The following MTMR3 variants were observed in gnomAD, a reference collection of about 807,000 sequenced individuals.
The protein encoded by MTMR3 is myotubularin related protein 3, also known as phosphatidylinositol-3,5-bisphosphate 3-phosphatase MTMR3.
Under a neutral mutation model 132.4 loss-of-function variants are expected in MTMR3, and 32 were observed. The ratio of observed to expected loss-of-function variants is 0.24; its 90% CI spans 0.18 to 0.32. The LOEUF is 0.32. MTMR3 is among the 10% of genes least tolerant of loss of function. The pLI, the probability that MTMR3 is intolerant of heterozygous loss-of-function variation, is 1.00. For missense variants in MTMR3, 1,216 were observed against 1,489.6 expected (o/e 0.82, Z 3.02); for synonymous variants, 556 against 550.3 (o/e 1.01, Z -0.14).
intron 8 of MTMR3, 144 bp downstream of exon 8, chr22:29,999,001 AT>A (rs1401588933): frequency 1.9e-6 from 1 of 519,142 alleles, no homozygotes; most frequent in Admixed American, 3.8e-5. Context: ...TCTTCAGAGT[AT>A]TTATTGAATC....
At chr22:29,920,973 G>T in intron 1 of MTMR3, among the ~76,000 whole-genome samples, 1 of 141,052 alleles carries the variant, frequency 7.1e-6, no homozygotes. Flanking sequence ...GTTTTTTTTA[G>T]GGGGTGGTGG....
chr22:29,989,178 A>T (rs2145905747), intron 6 of MTMR3: 1 of 152,292 alleles, frequency 6.6e-6, no homozygotes, highest in African/African-American at 2.4e-5. Context: ...TATTGCATTT[A>T]GCTGCCATGA....
chr22:29,988,720 A>G (rs2066903590), intron 6 of MTMR3, 158 bp downstream of exon 6: 3 of 429,000 alleles, frequency 7.0e-6, no homozygotes, highest in East Asian at 3.7e-5. Flanking sequence ...TATCTGTAGG[A>G]TGTATACTTT....
intron 3 of MTMR3, among the ~76,000 whole-genome samples, chr22:29,972,114 G>T (rs2066547737): frequency 6.6e-6 from 1 of 152,170 alleles, no homozygotes; most frequent in Non-Finnish European, 1.5e-5. Context: ...ACAACTTTAT[G>T]ATTTATCTTA....
chr22:29,977,519 G>A (rs1225851353), intron 3 of MTMR3, among the ~76,000 whole-genome samples: 1 of 152,150 alleles, frequency 6.6e-6, no homozygotes, highest in Non-Finnish European at 1.5e-5. Context: ...GTAAATGAAG[G>A]ATAGTCTTTC....
At chr22:29,960,568 A>G (rs28522206) in intron 2 of MTMR3, among the ~76,000 whole-genome samples, 24,847 of 152,218 alleles carry the variant, frequency 0.16, 2,147 homozygotes, top group South Asian at 0.24. Flanking sequence ...ATGTGTTGTC[A>G]TATGTATGTA....
intron 1 of MTMR3, among the ~76,000 whole-genome samples, chr22:29,896,845 A>G (rs2064906468): frequency 7.0e-6 from 1 of 142,926 alleles, no homozygotes; most frequent in Non-Finnish European, 1.5e-5. Flanking sequence ...TAAAAATTTT[A>G]TAGTACAGAA....
intron 15 of MTMR3, chr22:30,016,933 A>G: frequency 2.1e-6 from 1 of 465,500 alleles, no homozygotes; most frequent in South Asian, 3.4e-5. Context: ...ACAGATCTCT[A>G]CTTTGCCACC....
At chr22:29,969,797 T>C (rs1194404463) in intron 2 of MTMR3, among the ~76,000 whole-genome samples, 1 of 152,184 alleles carries the variant, frequency 6.6e-6, no homozygotes, top group Non-Finnish European at 1.5e-5. Flanking sequence ...CCCAGAATGC[T>C]GGGATTACAG....
intron 5 of MTMR3, chr22:29,981,515 G>A (rs1282532985): frequency 6.6e-6 from 1 of 152,070 alleles, no homozygotes; most frequent in Non-Finnish European, 1.5e-5. Context: ...ACCCTCTAAG[G>A]CATAGAGCCT....
At chr22:29,956,368 T>A (rs1186879211) in intron 1 of MTMR3, among the ~76,000 whole-genome samples, 1 of 152,094 alleles carries the variant, frequency 6.6e-6, no homozygotes, top group African/African-American at 2.4e-5. Context: ...TGCCTCAGCC[T>A]CCTGAATAGC....
chr22:30,019,889 G>C lies in MTMR3; in HGVS notation c.2230G>C (p.Glu744Gln), dbSNP rs1364142090. The C allele has an allele frequency of 6.2e-7, 1 of 1,614,188 alleles. No homozygotes were observed. ...ASAIGLHQDP[E>Q]LGDAALRSHL... ...AGCCATTGGACTTCACCAAGACCCA[G>C]AACTGGGTGATGCTGCTCTGAGGAG... The change falls in exon 17 of 20, where the codon GAA becomes CAA. Residue 744 changes from glutamate to glutamine, a missense_variant. Glu to Gln is a conservative substitution (Grantham distance 29). Coordinates refer to ENST00000401950, the MANE Select transcript of MTMR3 (RefSeq NM_021090.4).
At chr22:29,921,485 T>G (rs560869455) in intron 1 of MTMR3, among the ~76,000 whole-genome samples, 33 of 152,234 alleles carry the variant, frequency 2.2e-4, no homozygotes, top group African/African-American at 7.9e-4. Context: ...TTGGGAGAGC[T>G]TAGGATCTTA....
In MTMR3 at chr22:30,019,715, G is replaced by C; in HGVS notation, c.2056G>C (p.Glu686Gln). The C allele has an allele frequency of 6.2e-7, 1 of 1,614,240 alleles. No homozygotes were observed. The highest frequency in any genetic ancestry group is 1.1e-5 in the South Asian group (1 of 91,090). ...AELSVAAGVA[E>Q]GQMENILQEA... ...GCTTTCTGTTGCAGCCGGAGTAGCT[G>C]AGGGGCAGATGGAGAACATCTTGCA... Residue 686 changes from glutamate (E) to glutamine (Q), a missense_variant, in exon 17 of 20, where the codon GAG (glutamate) becomes CAG (glutamine). Transcript: ENST00000401950.
intron 1 of MTMR3, among the ~76,000 whole-genome samples, chr22:29,951,928 C>T (rs1012623991): frequency 2.2e-5 from 3 of 134,622 alleles, no homozygotes; most frequent in Non-Finnish European, 4.6e-5. Context: ...CTCACTCTAT[C>T]AAGTGGAGTG....
At chr22:29,996,577 T>A (rs2067064593) in intron 7 of MTMR3, 1 of 152,190 alleles carries the variant, frequency 6.6e-6, no homozygotes, top group African/African-American at 2.4e-5. Flanking sequence ...AATGAAATAC[T>A]TACAGCTTTT....
At chr22:30,007,412 T>A (rs1204235460) in intron 10 of MTMR3, 93 bp downstream of exon 10, 8 of 1,263,402 alleles carry the variant, frequency 6.3e-6, no homozygotes, top group Non-Finnish European at 8.9e-6. Context: ...ATAGATTTAC[T>A]TTTATAGAAG....
At chr22:29,907,856 A>G (rs925077280) in intron 1 of MTMR3, among the ~76,000 whole-genome samples, 5 of 152,106 alleles carry the variant, frequency 3.3e-5, no homozygotes, top group Non-Finnish European at 7.4e-5. Context: ...TTCCAGCTCT[A>G]CAGGAATATG....
chr22:30,002,829 C>A, intron 8 of MTMR3, 51 bp from the exon 9 acceptor site: 1 of 1,389,488 alleles, frequency 7.2e-7, no homozygotes, highest in South Asian at 1.2e-5. Context: ...CCCGTTTTCT[C>A]TCTCCCTCTC....
Sources: gnomAD v4.1 joint callset for allele counts (sites outside exome capture counted in the v4.1 genomes callset) on GRCh38, gnomAD v4.1.1 for gene constraint, MANE v1.5 for transcripts, NCBI Gene and HGNC (gene_info 2026-07-23, HGNC 2026-07-21) for gene names.